OOSP1: variants seen among roughly 807,000 people sequenced by gnomAD.
OOSP1 encodes the protein putative oocyte-secreted protein 1 homolog.
Under a neutral mutation model 5.7 loss-of-function variants are expected in OOSP1, and 11 were observed. The ratio of observed to expected loss-of-function variants is 1.94; its 90% CI spans 1.22 to 3.20. The LOEUF is 3.20. Among genes scored for constraint, OOSP1 ranks in the 30% most tolerant of loss-of-function variants. OOSP1 has a pLI of 0.00. For missense variants in OOSP1, 83 were observed against 54.1 expected, an observed-to-expected ratio of 1.53 and a Z score of -1.67; for synonymous variants, 44 against 20.0, an observed-to-expected ratio of 2.20 and a Z score of -3.20.
intron 4 of OOSP1, among the ~76,000 whole-genome samples, chr11:59,949,343 G>A (rs1853916588): frequency 6.6e-6 from 1 of 152,192 alleles, no homozygotes; most frequent in East Asian, 1.9e-4. Flanking sequence ...GAATACTTGG[G>A]TGAGGGTTGT....
In OOSP1 at chr11:59,945,223, T is replaced by C. The variant is rs543397779; in HGVS notation, c.313T>C (p.Ser105Pro). 3.4e-5 allele frequency: 24 copies of C among 703,026 alleles called. 1 individual carries two copies. The South Asian group carries it at 3.6e-4, about 10-fold the overall frequency. The allele number at this position is 703,026 out of a possible 1,614,324, so 43.5% of individuals were successfully genotyped here. Reference sequence around the variant, plus strand: ...TAAAATCAGGTATATCTCAAGAGACTCTACTGTCCGATCTGAAATGCCTCT... The same window carrying C: ...TAAAATCAGGTATATCTCAAGAGACCCTACTGTCCGATCTGAAATGCCTCT... Residue 105 changes from serine to proline, a missense_variant, in exon 3 of 5, where the codon TCT (serine) becomes CCT (proline). Ser to Pro is a moderately conservative substitution (Grantham distance 74, BLOSUM62 -1). Transcript: ENST00000646685.
intron 1 of OOSP1, among the ~76,000 whole-genome samples, chr11:59,942,127 A>G (rs768286004): frequency 6.6e-6 from 1 of 152,154 alleles, no homozygotes; most frequent in Non-Finnish European, 1.5e-5. Context: ...ATTTTCCTTT[A>G]GTGAAGTCTA....
chr11:59,941,899 C>G (rs529040176), intron 1 of OOSP1, among the ~76,000 whole-genome samples: 38 of 152,262 alleles, frequency 2.5e-4, no homozygotes, highest in African/African-American at 8.4e-4. Context: ...TATTATTCAT[C>G]TTAGCCATTG....
At chr11:59,942,999 C>T (rs1222153935) in exon 2 of OOSP1, 1 of 702,886 alleles carries the variant, frequency 1.4e-6, no homozygotes, top group Admixed American at 2.0e-5. Flanking sequence ...GTTTTTCTAC[C>T]ATCCTCATGA....
intron 4 of OOSP1, among the ~76,000 whole-genome samples, chr11:59,955,542 G>A (rs563551122): frequency 2.6e-5 from 4 of 152,142 alleles, no homozygotes; most frequent in East Asian, 3.9e-4. Flanking sequence ...TATCATAGAA[G>A]CAATAGATTT....
chr11:59,948,646 T>C (rs1853910875), intron 4 of OOSP1: 1 of 397,006 alleles, frequency 2.5e-6, no homozygotes, highest in Non-Finnish European at 4.4e-6. Context: ...CTCTTAGAAG[T>C]AGGGAAGTAA....
chr11:59,940,078 A>G (rs933349451), intron 1 of OOSP1, among the ~76,000 whole-genome samples: 10 of 152,238 alleles, frequency 6.6e-5, no homozygotes, highest in African/African-American at 2.4e-4. Context: ...TCGGAATTGC[A>G]GTGAAAGGTT....
chr11:59,946,689 G>A (rs1432937951), intron 3 of OOSP1, among the ~76,000 whole-genome samples: 1 of 152,142 alleles, frequency 6.6e-6, no homozygotes. Context: ...CAAGTTTCCT[G>A]AAGGCAATAG....
intron 4 of OOSP1, among the ~76,000 whole-genome samples, chr11:59,951,710 ATT>A (rs779942825): frequency 0.027 from 2,840 of 103,426 alleles, 91 homozygotes; most frequent in African/African-American, 0.091. Flanking sequence ...AATGAACTGC[ATT>A]TTTTTTTTTT....
intron 4 of OOSP1, chr11:59,948,764 A>G: frequency 5.0e-6 from 2 of 398,154 alleles, no homozygotes; most frequent in South Asian, 2.5e-4. Flanking sequence ...AAGAGAAGAA[A>G]CTGTTCTGTC....
At chr11:59,952,611 A>G (rs1367446277) in intron 4 of OOSP1, among the ~76,000 whole-genome samples, 1 of 152,158 alleles carries the variant, frequency 6.6e-6, no homozygotes, top group Non-Finnish European at 1.5e-5. Context: ...GCAGAGTGAT[A>G]TAATGGACTT....
intron 4 of OOSP1, among the ~76,000 whole-genome samples, chr11:59,951,441 T>C (rs2134572931): frequency 6.6e-6 from 1 of 152,176 alleles, no homozygotes; most frequent in Non-Finnish European, 1.5e-5. Context: ...TTAGAAGGTG[T>C]GCATATACAG....
At chr11:59,949,156 C>T (rs1473687239) in intron 4 of OOSP1, 1 of 168,882 alleles carries the variant, frequency 5.9e-6, no homozygotes, top group Non-Finnish European at 1.3e-5. Context: ...TTAGCTAAGG[C>T]TTAGTTGTGG....
intron 1 of OOSP1, among the ~76,000 whole-genome samples, chr11:59,942,464 C>A (rs919550328): frequency 2.2e-4 from 33 of 151,990 alleles, no homozygotes; most frequent in Non-Finnish European, 1.0e-4. Flanking sequence ...GAAGGGCTTG[C>A]GTCAAAGAGC....
intron 4 of OOSP1, chr11:59,948,919 A>AT (rs1449456702): frequency 2.5e-6 from 1 of 395,574 alleles, no homozygotes; most frequent in Non-Finnish European, 4.5e-6. Flanking sequence ...CTAAATTGTG[A>AT]TTTTAAATAA....
At chr11:59,949,247 C>A (rs1162529764) in intron 4 of OOSP1, among the ~76,000 whole-genome samples, 2 of 151,964 alleles carry the variant, frequency 1.3e-5, no homozygotes, top group Admixed American at 1.3e-4. Context: ...TAGGAGGAGG[C>A]AGAGTATACA....
chr11:59,940,957 C>T (rs183827587), intron 1 of OOSP1, among the ~76,000 whole-genome samples: 1 of 152,282 alleles, frequency 6.6e-6, no homozygotes, highest in Non-Finnish European at 1.5e-5. Flanking sequence ...TACAGTATTA[C>T]ATTGGGATAT....
At chr11:59,939,723 T>C (rs949011716) in intron 1 of OOSP1, among the ~76,000 whole-genome samples, 3 of 151,740 alleles carry the variant, frequency 2.0e-5, no homozygotes, top group Non-Finnish European at 4.4e-5. Context: ...TCTTTCTCTT[T>C]CTCTTCTTTT....
intron 4 of OOSP1, among the ~76,000 whole-genome samples, chr11:59,953,140 C>T (rs758260332): frequency 6.6e-6 from 1 of 152,078 alleles, no homozygotes; most frequent in East Asian, 1.9e-4. Flanking sequence ...AAATGTCCTT[C>T]GTCTTAGGAA....
Sources: gnomAD v4.1 joint callset for allele counts (sites outside exome capture counted in the v4.1 genomes callset) on GRCh38, gnomAD v4.1.1 for gene constraint, MANE v1.5 for transcripts, NCBI Gene and HGNC (gene_info 2026-07-23, HGNC 2026-07-21) for gene names.